The following UGT2B4 variants were observed in gnomAD, a reference collection of about 807,000 sequenced individuals.
UGT2B4 encodes the protein UDP-glucuronosyltransferase 2B4.
Under a neutral mutation model 49.8 loss-of-function variants are expected in UGT2B4, and 49 were observed. The ratio of observed to expected loss-of-function variants is 0.98; its 90% CI spans 0.78 to 1.25. The LOEUF is 1.25. Among genes scored for constraint, UGT2B4 ranks in the 50% most tolerant of loss-of-function variants. The pLI, the probability that UGT2B4 is intolerant of heterozygous loss-of-function variation, is 0.00. For synonymous variants in UGT2B4, 246 were observed against 217.7 expected (o/e 1.13, Z -1.14); for missense variants, 729 against 627.7 (o/e 1.16, Z -1.73).
chr4:69,505,247 C>A (rs977256465), intron 1 of UGT2B4, among the ~76,000 whole-genome samples: 7 of 152,010 alleles, frequency 4.6e-5, no homozygotes, highest in African/African-American at 1.7e-4. Context: ...TGTATATGGG[C>A]TAAATGACCT....
intron 2 of UGT2B4, 45 bp downstream of exon 2, chr4:69,493,648 C>G (rs754652659): frequency 3.1e-5 from 49 of 1,575,246 alleles, no homozygotes; most frequent in Middle Eastern, 2.2e-4. Context: ...TAGAACCATT[C>G]GTACTGAAAC....
chr4:69,505,748 CAGA>C (rs1200890099), intron 1 of UGT2B4, among the ~76,000 whole-genome samples: 1 of 152,072 alleles, frequency 6.6e-6, no homozygotes, highest in African/African-American at 2.4e-5. Flanking sequence ...CCACCCCAAA[CAGA>C]AGAATATACA....
intron 1 of UGT2B4, among the ~76,000 whole-genome samples, chr4:69,502,087 C>CTTTCTTTCTTTCTT (rs780839341): frequency 1.6e-4 from 6 of 38,332 alleles, no homozygotes; most frequent in African/African-American, 6.2e-4. Flanking sequence ...TTCTTTCTTT[C>CTTTCTTTCTTTCTT]TCTCTCTTTC....
intron 1 of UGT2B4, among the ~76,000 whole-genome samples, chr4:69,508,002 A>C (rs1728518667): frequency 6.6e-6 from 1 of 152,176 alleles, no homozygotes; most frequent in Non-Finnish European, 1.5e-5. Flanking sequence ...GACTTAAACA[A>C]ATTTACTAGA....
intron 1 of UGT2B4, among the ~76,000 whole-genome samples, chr4:69,522,192 C>T (rs886864978): frequency 1.1e-5 from 1 of 89,094 alleles, no homozygotes; most frequent in Admixed American, 1.4e-4. Flanking sequence ...ATCTAGGTTA[C>T]TAGTGAGAAT....
chr4:69,517,963 G>C (rs1008315122), intron 1 of UGT2B4: 1 of 155,406 alleles, frequency 6.4e-6, no homozygotes, highest in African/African-American at 2.4e-5. Flanking sequence ...AAGCACTACA[G>C]TTTAGTTGGG....
At chr4:69,506,108 C>T (rs757706487) in intron 1 of UGT2B4, among the ~76,000 whole-genome samples, 12 of 151,900 alleles carry the variant, frequency 7.9e-5, no homozygotes, top group Non-Finnish European at 1.3e-4. Flanking sequence ...ACTAAATGCC[C>T]GCATTGGAAA....
chr4:69,484,827 A>T (rs1363041614), intron 5 of UGT2B4, among the ~76,000 whole-genome samples: 1 of 152,188 alleles, frequency 6.6e-6, no homozygotes, highest in African/African-American at 2.4e-5. Flanking sequence ...ATAAAAATAA[A>T]TTTTTCAGTG....
upstream of UGT2B4, among the ~76,000 whole-genome samples, chr4:69,496,519 G>A (rs1023497635): frequency 2.0e-5 from 3 of 152,118 alleles, no homozygotes; most frequent in Non-Finnish European, 4.4e-5. Context: ...ATTTGTTGAC[G>A]TATAATTCAG....
At chr4:69,515,149 AC>A (rs1296997399) in intron 1 of UGT2B4, among the ~76,000 whole-genome samples, 1 of 152,210 alleles carries the variant, frequency 6.6e-6, no homozygotes, top group Non-Finnish European at 1.5e-5. Context: ...AAGGGCCTTA[AC>A]TTAACTTTGG....
chr4:69,482,426 A>G (rs1279394104), intron 5 of UGT2B4, among the ~76,000 whole-genome samples: 2 of 152,192 alleles, frequency 1.3e-5, no homozygotes, highest in African/African-American at 4.8e-5. Context: ...TTTCGAAGTG[A>G]AGATACCACT....
Position 69,489,477 on chromosome 4 carries a change from T to C in UGT2B4, c.964A>G (p.Asn322Asp). 2 of 1,611,848 alleles carry C rather than the reference T, an allele frequency of 1.2e-6. No homozygotes were observed. The highest frequency in any genetic ancestry group is 1.1e-5 in the South Asian group (1 of 91,052). ...MVSNTSEERA[N>D]VIASALAKIP... ...TTGGCAAGGGCTGATGCAATTACAT[T>C]GGCCCTTTCTTCTGACGTGTTACTG... Residue 322 changes from asparagine (N) to aspartate (D), a missense_variant, in exon 3 of 6, where the codon AAT becomes GAT. Transcript: ENST00000305107.
Position 69,489,570 on chromosome 4 carries a change from C to T in UGT2B4, c.871G>A (p.Glu291Lys), listed in dbSNP as rs1278779731. 6.3e-7 allele frequency: 1 copy of T among 1,599,836 alleles called. No homozygotes were observed. The highest frequency in any genetic ancestry group is 1.8e-5 in the Admixed American group (1 of 56,120). ...GAGCTCTGGACAAACTCTTCCATTT[C>T]CTGTGAAAAAAAAGAATTTGTTCTA... Reference protein sequence around the residue: ...HCKPAKPLPKEMEEFVQSSGE... With the variant: ...HCKPAKPLPKKMEEFVQSSGE... The change falls in exon 3 of 6, where the codon GAA (glutamate) becomes AAA (lysine). Residue 291 changes from glutamate to lysine, a missense_variant and splice_region_variant. Physicochemically the swap from Glu to Lys is moderately conservative, Grantham distance 56. Transcript: ENST00000305107.
chr4:69,490,586 G>A (rs975337684), intron 2 of UGT2B4, among the ~76,000 whole-genome samples: 1 of 152,072 alleles, frequency 6.6e-6, no homozygotes, highest in Non-Finnish European at 1.5e-5. Context: ...CGCCAATTTT[G>A]AAATTTAAAT....
chr4:69,493,651 A>G, intron 2 of UGT2B4, 42 bp downstream of exon 2: 1 of 1,580,314 alleles, frequency 6.3e-7, no homozygotes, highest in Non-Finnish European at 8.5e-7. Flanking sequence ...AACCATTCGT[A>G]CTGAAACTTC....
chr4:69,495,152 C>T lies in UGT2B4; in HGVS notation c.710G>A (p.Ser237Asn), dbSNP rs375673326. The change falls in exon 1 of 6, where the codon AGT becomes AAT. Residue 237 changes from serine to asparagine, a missense_variant. Coordinates refer to ENST00000305107, the MANE Select transcript of UGT2B4 (RefSeq NM_021139.3). ...FDMKKWDQFY[S>N]EVLGRPTTLS... Reference sequence around the variant, plus strand: ...AAAAAGTTACTTACCTAGAACTTCACTGTAGAACTGATCCCACTTCTTCAT... The same window carrying T: ...AAAAAGTTACTTACCTAGAACTTCATTGTAGAACTGATCCCACTTCTTCAT... 1 of 1,558,468 alleles carries T rather than the reference C, an allele frequency of 6.4e-7. No homozygotes were observed. Among genetic ancestry groups the T allele is most frequent in the Non-Finnish European group, 8.6e-7 (1 of 1,157,852 alleles).
At chr4:69,519,408 GA>G (rs553218533) in intron 1 of UGT2B4, among the ~76,000 whole-genome samples, 7 of 151,816 alleles carry the variant, frequency 4.6e-5, no homozygotes, top group Non-Finnish European at 7.4e-5. Context: ...TCTGAGATCA[GA>G]AAAAAAATAT....
intron 5 of UGT2B4, among the ~76,000 whole-genome samples, chr4:69,484,100 G>A (rs1433556353): frequency 6.6e-6 from 1 of 152,060 alleles, no homozygotes; most frequent in African/African-American, 2.4e-5. Context: ...AGGCTACAAT[G>A]AGAGGTCTTT....
intron 1 of UGT2B4, among the ~76,000 whole-genome samples, chr4:69,524,374 C>A (rs927324549): frequency 2.7e-4 from 35 of 131,056 alleles, no homozygotes; most frequent in Non-Finnish European, 5.5e-4. Context: ...TTAATTTTAA[C>A]GTTGTCGTTT....
Sources: gnomAD v4.1 joint callset for allele counts (sites outside exome capture counted in the v4.1 genomes callset) on GRCh38, gnomAD v4.1.1 for gene constraint, MANE v1.5 for transcripts, NCBI Gene and HGNC (gene_info 2026-07-23, HGNC 2026-07-21) for gene names.